The following STPG1 variants were observed in gnomAD, a reference collection of about 807,000 sequenced individuals.
STPG1 encodes the protein O(6)-methylguanine-induced apoptosis 2.
STPG1 carries 33 observed loss-of-function variants against 40.1 expected under a neutral mutation model. The ratio of observed to expected loss-of-function variants is 0.82; its 90% CI spans 0.62 to 1.10. STPG1 has a LOEUF of 1.10. Ranked by LOEUF, STPG1 falls within the 50% of genes least tolerant of loss-of-function variation. The probability of loss-of-function intolerance (pLI) is 0.00; values close to 1 mark genes in which losing one functional copy is unlikely to be tolerated. For synonymous variants in STPG1, 150 were observed against 155.0 expected, an observed-to-expected ratio of 0.97 and a Z score of 0.24; for missense variants, 396 against 415.1, an observed-to-expected ratio of 0.95 and a Z score of 0.40.
In STPG1 at chr1:24,365,247, C is replaced by T. The variant is rs371852749; in HGVS notation, c.738-4206G>A. 3.9e-4 allele frequency among the ~76,000 whole-genome samples: 59 copies of T among 152,176 alleles called. No homozygotes were observed. The Middle Eastern group carries it at 0.01, about 26-fold the overall frequency. On this transcript the variant is annotated intron_variant, in intron 7 of 8. Coordinates refer to ENST00000337248, the MANE Select transcript of STPG1 (RefSeq NM_001199013.2). ...TTCAGCTCTAGCTGTGACAAGACAG[C>T]GTGTCTGTGCAAATCCAGTGGCTTA... is the stretch of plus-strand genomic sequence containing the variant.
intron 3 of STPG1, among the ~76,000 whole-genome samples, chr1:24,390,235 G>T (rs1401696602): frequency 6.6e-6 from 1 of 152,244 alleles, no homozygotes; most frequent in Non-Finnish European, 1.5e-5. Flanking sequence ...AAGGACGCCT[G>T]TGAGTTGCTT....
chr1:24,358,429 C>T lies in STPG1; in HGVS notation c.*114G>A, dbSNP rs973883324. On this transcript the variant is annotated 3_prime_UTR_variant, in exon 9 of 9. Coordinates refer to ENST00000337248, the MANE Select transcript of STPG1 (RefSeq NM_001199013.2). ...TGCCAGGCCAGAGTGGTAGAGCCAC[C>T]CCCCAAGTTGTCAGCTGCCACACTC... 9.0e-6 allele frequency: 8 copies of T among 893,028 alleles called. No homozygotes were observed. Among genetic ancestry groups the T allele is most frequent in the African/African-American group, 8.2e-5 (5 of 60,988 alleles). 55.3% of individuals were successfully genotyped at this position (893,028 alleles called of 1,614,324 possible). A position where few individuals can be genotyped will look rare whatever the true frequency, so the allele number is the denominator to read the frequency against.
At chr1:24,412,775 A>G (rs1472989122) in intron 1 of STPG1, among the ~76,000 whole-genome samples, 1 of 152,232 alleles carries the variant, frequency 6.6e-6, no homozygotes, top group African/African-American at 2.4e-5. Context: ...GAATGAATGA[A>G]TACTAGAGGT....
intron 1 of STPG1, among the ~76,000 whole-genome samples, chr1:24,402,653 G>A (rs541140270): frequency 4.6e-5 from 7 of 151,554 alleles, no homozygotes; most frequent in Non-Finnish European, 1.0e-4. Flanking sequence ...GGCTGAGGTG[G>A]GAGAACTGCT....
chr1:24,362,383 G>C (rs150600291), intron 7 of STPG1, among the ~76,000 whole-genome samples: 113 of 152,346 alleles, frequency 7.4e-4, no homozygotes, highest in African/African-American at 2.7e-3. Flanking sequence ...CATGATGGCG[G>C]AGGGGACTGA....
intron 6 of STPG1, among the ~76,000 whole-genome samples, chr1:24,371,758 G>A (rs1641756494): frequency 6.6e-6 from 1 of 152,134 alleles, no homozygotes; most frequent in Non-Finnish European, 1.5e-5. Context: ...AGAAAACAAT[G>A]AAAAGCAAAA....
At chr1:24,382,805 CA>C (rs1371431426) in intron 4 of STPG1, among the ~76,000 whole-genome samples, 1 of 151,860 alleles carries the variant, frequency 6.6e-6, no homozygotes, top group Non-Finnish European at 1.5e-5. Flanking sequence ...AAATCAATTC[CA>C]ATGTCAGGCA....
intron 7 of STPG1, among the ~76,000 whole-genome samples, chr1:24,363,058 G>A (rs1174869944): frequency 6.6e-6 from 1 of 152,160 alleles, no homozygotes; most frequent in Admixed American, 6.5e-5. Flanking sequence ...GGAAATTACA[G>A]CTGGAACAAA....
At chr1:24,366,280 G>C (rs1641458167) in intron 7 of STPG1, among the ~76,000 whole-genome samples, 1 of 152,182 alleles carries the variant, frequency 6.6e-6, no homozygotes, top group African/African-American at 2.4e-5. Context: ...GATTAGTTCT[G>C]ATGTGGACAA....
chr1:24,377,713 TC>T (rs1392182836), intron 5 of STPG1, among the ~76,000 whole-genome samples: 1 of 152,168 alleles, frequency 6.6e-6, no homozygotes, highest in Non-Finnish European at 1.5e-5. Flanking sequence ...CTAAGCTGTA[TC>T]ACCAGCCTGG....
intron 5 of STPG1, among the ~76,000 whole-genome samples, chr1:24,377,348 A>G (rs1642076340): frequency 6.6e-6 from 1 of 151,996 alleles, no homozygotes; most frequent in African/African-American, 2.4e-5. Context: ...TCCTCCTGGG[A>G]TCTTCAGGGC....
chr1:24,366,520 T>C (rs1371124512), intron 7 of STPG1, among the ~76,000 whole-genome samples: 1 of 152,252 alleles, frequency 6.6e-6, no homozygotes, highest in Admixed American at 6.5e-5. Context: ...ATGTTTTTTT[T>C]AGAATAGTCC....
chr1:24,369,931 G>T, intron 6 of STPG1, 92 bp from the exon 7 acceptor site: 2 of 1,132,046 alleles, frequency 1.8e-6, no homozygotes, highest in Non-Finnish European at 2.5e-6. Context: ...CCTGATGGCT[G>T]CAAGGCACCA....
Position 24,357,711 on chromosome 1 carries a change from G to A in STPG1, c.*832C>T, listed in dbSNP as rs148728935. 592 of 166,752 alleles carry A rather than the reference G, an allele frequency of 3.6e-3. 7 individuals are homozygous for A. The highest frequency in any genetic ancestry group is 6.1e-3 in the Non-Finnish European group (453 of 74,090). 10.3% of individuals were successfully genotyped at this position (166,752 alleles called of 1,614,324 possible). On this transcript the variant is annotated 3_prime_UTR_variant, in exon 9 of 9. Coordinates refer to ENST00000337248, the MANE Select transcript of STPG1 (RefSeq NM_001199013.2). Reference sequence around the variant, plus strand: ...GGAGCCTGGCAGCTCCCCACCCACCGCGAATCTGTGCAGCCTCCACCAAAA... The same window carrying A: ...GGAGCCTGGCAGCTCCCCACCCACCACGAATCTGTGCAGCCTCCACCAAAA...
At position 24,385,802 on chromosome 1, in the gene STPG1, C is replaced by T. The variant is rs141423167; in HGVS notation, c.190-1799G>A. Among the ~76,000 whole-genome samples, 3 of 152,326 alleles carry T rather than the reference C, an allele frequency of 2.0e-5. No individual in the cohort carries two copies. In the East Asian group the frequency reaches 5.8e-4, roughly 29 times the overall value. On this transcript the variant is annotated intron_variant, in intron 3 of 8. Transcript: ENST00000337248. ...ATTGTAGTCTCAGTGCTGCCACACG[C>T]TAAGTGATCTTGAGCAAGTCACCTC...
upstream of STPG1, chr1:24,414,403 G>C (rs1428328447): frequency 6.6e-6 from 1 of 151,304 alleles, no homozygotes; most frequent in East Asian, 2.0e-4. Flanking sequence ...GACTATACAA[G>C]GGCAGCCACT....
At chr1:24,367,028 G>A (rs766815637) in intron 7 of STPG1, among the ~76,000 whole-genome samples, 4 of 152,326 alleles carry the variant, frequency 2.6e-5, no homozygotes, top group South Asian at 2.1e-4. Context: ...GAGAGCCAGC[G>A]AGCCCTAGAA....
In STPG1 at chr1:24,378,090, A is replaced by G. The variant is rs1460413744; in HGVS notation, c.462+1563T>C. ...TGCCTGGAGTTGGACTGCCCAGTAT[A>G]GTAGCCACAGGTTGCATGTGGCTAT... is the stretch of plus-strand genomic sequence containing the variant. On this transcript the variant is annotated intron_variant, in intron 5 of 8. Transcript: ENST00000337248. Among the ~76,000 whole-genome samples, 4 of 150,652 alleles carry G rather than the reference A, an allele frequency of 2.7e-5. No individual in the cohort carries two copies. In the East Asian group the frequency reaches 7.7e-4, roughly 29 times the overall value.
intron 1 of STPG1, among the ~76,000 whole-genome samples, chr1:24,404,935 A>G (rs1220741649): frequency 2.6e-5 from 4 of 152,068 alleles, no homozygotes; most frequent in Non-Finnish European, 5.9e-5. Flanking sequence ...CTTCCTGCTT[A>G]CTTTGGGTTT....
Sources: gnomAD v4.1 joint callset for allele counts (sites outside exome capture counted in the v4.1 genomes callset) on GRCh38, gnomAD v4.1.1 for gene constraint, MANE v1.5 for transcripts, NCBI Gene and HGNC (gene_info 2026-07-23, HGNC 2026-07-21) for gene names.